ROCK2: variants seen among roughly 807,000 people sequenced by gnomAD.
The protein encoded by ROCK2 is rho-associated protein kinase 2.
Under a neutral mutation model 195.1 loss-of-function variants are expected in ROCK2, and 61 were observed. The observed-to-expected ratio is 0.31, with a 90% CI of 0.25 to 0.39. The LOEUF (loss-of-function observed/expected upper bound fraction) is 0.39, where lower values mean the gene tolerates loss of function less well. Among genes scored for constraint, ROCK2 ranks in the 10% least tolerant of loss-of-function variants. The pLI is 1.00. For synonymous variants in ROCK2, 504 were observed against 545.5 expected, an observed-to-expected ratio of 0.92 and a Z score of 1.06; for missense variants, 1,109 against 1,637.4, an observed-to-expected ratio of 0.68 and a Z score of 5.57.
chr2:11,328,834 A>G (rs564497482), intron 1 of ROCK2, among the ~76,000 whole-genome samples: 1 of 149,458 alleles, frequency 6.7e-6, no homozygotes, highest in East Asian at 2.0e-4. Flanking sequence ...ACCAAACACC[A>G]CATGTTCTCA....
At chr2:11,206,992 G>A (rs79721154) in intron 20 of ROCK2, among the ~76,000 whole-genome samples, 10,367 of 152,116 alleles carry the variant, frequency 0.068, 488 homozygotes, top group African/African-American at 0.13. Flanking sequence ...TCAAACAACC[G>A]GGATCCAATA....
At chr2:11,344,783 G>A (rs1377001481), upstream of ROCK2, among the ~76,000 whole-genome samples, 2 of 150,252 alleles carry the variant, frequency 1.3e-5, no homozygotes, top group Non-Finnish European at 3.0e-5. The surrounding 1 kb of genome is among the most constrained non-coding windows in gnomAD (Gnocchi z 5.4). Context: ...GTCCCGCTCC[G>A]CTTTCTCCTC....
At position 11,216,345 on chromosome 2, in the gene ROCK2, C is replaced by T. The variant is rs1221744816; in HGVS notation, c.1413-139G>A. 95 of 657,920 alleles carry T rather than the reference C, an allele frequency of 1.4e-4. No homozygotes were observed. In the East Asian group the frequency reaches 2.8e-3, roughly 20 times the overall value. The allele number at this position is 657,920 out of a possible 1,614,324, so 40.8% of individuals were successfully genotyped here. On this transcript the variant is annotated intron_variant, in intron 12 of 32. Transcript: ENST00000315872. Reference sequence around the variant, plus strand: ...ACGAAGTCTTGCTCTGTTGCCCAGACTGGAATGCAGTGGCGCAATCTTGGC... The same window carrying T: ...ACGAAGTCTTGCTCTGTTGCCCAGATTGGAATGCAGTGGCGCAATCTTGGC...
intron 7 of ROCK2, among the ~76,000 whole-genome samples, chr2:11,222,857 C>T (rs1664682919): frequency 6.6e-6 from 1 of 152,086 alleles, no homozygotes; most frequent in African/African-American, 2.4e-5. Context: ...ACGGCATTAA[C>T]TCGTTTTCAA....
upstream of ROCK2, among the ~76,000 whole-genome samples, chr2:11,344,751 C>T (rs916392872): frequency 2.0e-5 from 3 of 149,704 alleles, no homozygotes; most frequent in Admixed American, 6.6e-5. The surrounding 1 kb of genome is among the most constrained non-coding windows in gnomAD (Gnocchi z 5.4). Flanking sequence ...CGCTTCCTCC[C>T]TTTCTTTCCC....
chr2:11,306,624 A>G (rs149684505), intron 1 of ROCK2, among the ~76,000 whole-genome samples: 377 of 152,352 alleles, frequency 2.5e-3, no homozygotes, highest in African/African-American at 8.9e-3. Flanking sequence ...CAATTGCAAA[A>G]TAAGTTCACT....
At chr2:11,252,810 G>A (rs1665882010) in intron 3 of ROCK2, among the ~76,000 whole-genome samples, 1 of 152,068 alleles carries the variant, frequency 6.6e-6, no homozygotes, top group Admixed American at 6.6e-5. Flanking sequence ...ACGGGGTGAG[G>A]GGCTAGAGGA....
rs927365196 is a variant in ROCK2 at position 11,211,815 on chromosome 2, A to T, written c.2069T>A (p.Met690Lys). The change falls in exon 18 of 33, where the codon ATG becomes AAG. Residue 690 changes from methionine (M) to lysine (K), a missense_variant. Met to Lys is a moderately conservative substitution (Grantham distance 95, BLOSUM62 -1). This residue lies in a region of ROCK2 where 542 missense variants were observed against 672.0 expected (regional missense o/e 0.81). Transcript: ENST00000315872. ...CTGTATAACTTTTAGTTGGTATGTC[A>T]TATCTATTTCCATGTTGCTTTTTTC... ...EKEKSNMEID[M>K]TYQLKVIQQS... The T allele has an allele frequency of 1.6e-5, 25 of 1,602,072 alleles. No individual in the cohort carries two copies. Among genetic ancestry groups the T allele is most frequent in the Non-Finnish European group, 2.0e-5 (24 of 1,176,242 alleles).
chr2:11,180,297 A>G lies in ROCK2; in HGVS notation c.*3140T>C, dbSNP rs550535507. The G allele has an allele frequency of 2.6e-5, 4 of 152,328 alleles. No homozygotes were observed. The highest frequency in any genetic ancestry group is 1.3e-4 in the Admixed American group (2 of 15,302). The allele number at this position is 152,328 out of a possible 1,614,324, so 9.4% of individuals were successfully genotyped here. On this transcript the variant is annotated 3_prime_UTR_variant, in exon 33 of 33. Coordinates refer to ENST00000315872, the MANE Select transcript of ROCK2 (RefSeq NM_004850.5). ...TCTTAAAACTGTGGTGTGGCAACCT[A>G]GAGTATTTCTGTTTAAGATCTATAT...
chr2:11,240,927 A>C (rs1665403741), intron 4 of ROCK2, among the ~76,000 whole-genome samples: 1 of 152,228 alleles, frequency 6.6e-6, no homozygotes, highest in South Asian at 2.1e-4. Flanking sequence ...ACAACAGAAA[A>C]GAGATACCGT....
Position 11,201,206 on chromosome 2 carries a change from C to A in ROCK2, c.2724-63G>T. The A allele has an allele frequency of 1.3e-6, 2 of 1,541,274 alleles. No individual in the cohort carries two copies. The highest frequency in any genetic ancestry group is 1.9e-5 in the Admixed American group (1 of 52,768). ...TTCACTATGAAGTGAAAGTTTTTGT[C>A]TAATTCACTTCATCAATAATTTTTT... On this transcript the variant is annotated intron_variant, in intron 22 of 32. Coordinates refer to ENST00000315872, the MANE Select transcript of ROCK2 (RefSeq NM_004850.5). This position sits in a 1 kb window ranked among gnomAD's most constrained non-coding sequence, Gnocchi z 4.6.
Position 11,318,856 on chromosome 2 carries a change from A to G in ROCK2, c.141+25140T>C, listed in dbSNP as rs182059378. Among the ~76,000 whole-genome samples, 10 of 152,362 alleles carry G rather than the reference A, an allele frequency of 6.6e-5. No individual in the cohort carries two copies. The East Asian group carries it at 1.7e-3, about 26-fold the overall frequency. Reference sequence around the variant, plus strand: ...GTTCTCCCAGCACCATTTGTTGAATAGGGAATCCCTTCCCCATTTCTTGTT... The same window carrying G: ...GTTCTCCCAGCACCATTTGTTGAATGGGGAATCCCTTCCCCATTTCTTGTT... On this transcript the variant is annotated intron_variant, in intron 1 of 32. Coordinates refer to ENST00000315872, the MANE Select transcript of ROCK2 (RefSeq NM_004850.5).
chr2:11,296,229 T>C (rs1339085720), intron 1 of ROCK2, among the ~76,000 whole-genome samples: 1 of 152,074 alleles, frequency 6.6e-6, no homozygotes, highest in African/African-American at 2.4e-5. Context: ...TTTGTGGATA[T>C]ACAGTTAAGT....
intron 1 of ROCK2, among the ~76,000 whole-genome samples, chr2:11,323,471 C>CTATTAGA (rs1668457837): frequency 6.6e-6 from 1 of 152,146 alleles, no homozygotes; most frequent in Non-Finnish European, 1.5e-5. Context: ...AAATTACATA[C>CTATTAGA]TATTAGACAT....
intron 5 of ROCK2, among the ~76,000 whole-genome samples, chr2:11,231,377 C>T (rs10169868): frequency 0.48 from 73,303 of 151,722 alleles, 18,862 homozygotes; most frequent in Admixed American, 0.56. Context: ...CCGGCTAATT[C>T]TTGTGTTTTT....
At chr2:11,280,594 C>A (rs1358633452) in intron 3 of ROCK2, among the ~76,000 whole-genome samples, 3 of 152,020 alleles carry the variant, frequency 2.0e-5, no homozygotes, top group African/African-American at 7.3e-5. Flanking sequence ...TACACTACTG[C>A]ACTCCAGCCT....
chr2:11,267,251 A>G (rs891466416), intron 3 of ROCK2, among the ~76,000 whole-genome samples: 3 of 152,196 alleles, frequency 2.0e-5, no homozygotes, highest in Non-Finnish European at 4.4e-5. Context: ...AGGCTTATTT[A>G]TATTATTAAT....
At chr2:11,273,385 A>G (rs1666714778) in intron 3 of ROCK2, among the ~76,000 whole-genome samples, 1 of 152,130 alleles carries the variant, frequency 6.6e-6, no homozygotes, top group Non-Finnish European at 1.5e-5. Flanking sequence ...ACTTTAAATC[A>G]ATAAAGGTTA....
At chr2:11,310,407 C>T (rs1333210847) in intron 1 of ROCK2, among the ~76,000 whole-genome samples, 2 of 151,970 alleles carry the variant, frequency 1.3e-5, no homozygotes, top group African/African-American at 4.8e-5. Flanking sequence ...TGCCTAATCA[C>T]ATGGCTTAGA....
Sources: gnomAD v4.1 joint callset for allele counts (sites outside exome capture counted in the v4.1 genomes callset) on GRCh38, gnomAD v4.1.1 for gene constraint, gnomAD v4.1.1 regional missense constraint, Gnocchi (gnomAD v3.1) non-coding constraint, MANE v1.5 for transcripts, NCBI Gene and HGNC (gene_info 2026-07-23, HGNC 2026-07-21) for gene names.